Variants in LNPK observed in about 807,000 individuals in gnomAD.
LNPK encodes lunapark, ER junction formation factor.
LNPK carries 29 observed loss-of-function variants against 55.2 expected under a neutral mutation model. That is an observed-to-expected ratio of 0.53 (90% CI 0.39 to 0.72). LNPK has a LOEUF of 0.72. Among genes scored for constraint, LNPK ranks in the 30% least tolerant of loss-of-function variants. The pLI is 0.00. For synonymous variants in LNPK, 162 were observed against 168.2 expected, an observed-to-expected ratio of 0.96 and a Z score of 0.29; for missense variants, 467 against 494.8, an observed-to-expected ratio of 0.94 and a Z score of 0.53.
chr2:175,980,179 G>A (rs142119611), intron 4 of LNPK, among the ~76,000 whole-genome samples: 103 of 152,256 alleles, frequency 6.8e-4, no homozygotes, highest in East Asian at 5.4e-3. Flanking sequence ...TATGCACCCC[G>A]CAAAAGATTG....
chr2:175,931,148 A>G (rs1299345967), intron 12 of LNPK, among the ~76,000 whole-genome samples: 1 of 152,212 alleles, frequency 6.6e-6, no homozygotes, highest in Non-Finnish European at 1.5e-5. Flanking sequence ...AACAGCAATT[A>G]GTATTTTTGC....
intron 8 of LNPK, among the ~76,000 whole-genome samples, chr2:175,958,505 C>G (rs1307565938): frequency 6.6e-6 from 1 of 152,130 alleles, no homozygotes. Context: ...AACTAACAAA[C>G]AGAAAGGAAT....
chr2:175,987,881 T>C (rs1687501951), intron 4 of LNPK, among the ~76,000 whole-genome samples: 1 of 152,114 alleles, frequency 6.6e-6, no homozygotes, highest in Non-Finnish European at 1.5e-5. Flanking sequence ...ACTTGGAACT[T>C]CAATATAATA....
Position 175,964,595 on chromosome 2 carries a change from A to C in LNPK, c.358-6T>G, listed in dbSNP as rs1686233439. On this transcript the variant is annotated splice_polypyrimidine_tract_variant and splice_region_variant and intron_variant, in intron 6 of 12. Coordinates refer to ENST00000272748, the MANE Select transcript of LNPK (RefSeq NM_030650.3). ...TTTTCCATGACTTCTTCAAGCTACG[A>C]ACAAAAATTTCCATAAATTGTCACA... 2 of 1,553,794 alleles carry C rather than the reference A, an allele frequency of 1.3e-6. No individual in the cohort carries two copies. Among genetic ancestry groups the C allele is most frequent in the East Asian group, 4.5e-5 (2 of 44,506 alleles).
chr2:175,974,878 T>G (rs541295964), intron 5 of LNPK, among the ~76,000 whole-genome samples: 1 of 151,964 alleles, frequency 6.6e-6, no homozygotes, highest in Non-Finnish European at 1.5e-5. Context: ...CTCTGAAATA[T>G]ATTTTAAAGC....
intron 5 of LNPK, among the ~76,000 whole-genome samples, chr2:175,979,496 T>TG (rs1366935133): frequency 1.3e-5 from 2 of 151,842 alleles, no homozygotes; most frequent in Non-Finnish European, 2.9e-5. Context: ...AGGCGGAGGT[T>TG]GCAGTGAGCC....
chr2:175,962,037 C>G (rs1225142220), intron 8 of LNPK, among the ~76,000 whole-genome samples: 2 of 152,166 alleles, frequency 1.3e-5, no homozygotes, highest in Non-Finnish European at 2.9e-5. Context: ...CAAACCACTA[C>G]TCAACGAAAT....
Position 175,992,257 on chromosome 2 carries a change from T to A in LNPK, c.231A>T (p.Thr77=), listed in dbSNP as rs1442741569. Reference sequence around the variant, plus strand: ...TCAATGGAAAAGCAAAAAATGGGAGTGTCATGGCAAGTCTTGCTGTAAATT... The same window carrying A: ...TCAATGGAAAAGCAAAAAATGGGAGAGTCATGGCAAGTCTTGCTGTAAATT... ...PDEFTARLAM[T]LPFFAFPLII... is the part of the protein sequence containing the mutation. The change falls in exon 4 of 13, where the codon ACA becomes ACT. Residue 77 remains threonine (T), a synonymous_variant. Coordinates refer to ENST00000272748, the MANE Select transcript of LNPK (RefSeq NM_030650.3). The A allele has an allele frequency of 6.4e-7, 1 of 1,553,072 alleles. No homozygotes were observed. Among genetic ancestry groups the A allele is most frequent in the African/African-American group, 1.4e-5 (1 of 70,218 alleles).
intron 12 of LNPK, 149 bp from the exon 13 acceptor site, chr2:175,930,348 C>T: frequency 4.6e-6 from 3 of 655,400 alleles, no homozygotes; most frequent in Non-Finnish European, 7.7e-6. Context: ...TAACATTATC[C>T]TTAAAATCTT....
intron 4 of LNPK, among the ~76,000 whole-genome samples, chr2:175,987,542 A>G (rs1687485023): frequency 6.6e-6 from 1 of 152,134 alleles, no homozygotes. Context: ...GGGAGCAGGG[A>G]GGGATAGCAT....
chr2:175,945,600 T>G (rs1685087077), intron 9 of LNPK, among the ~76,000 whole-genome samples: 1 of 151,922 alleles, frequency 6.6e-6, no homozygotes, highest in African/African-American at 2.4e-5. Context: ...AAAAATAAAC[T>G]TGAATCCAGA....
chr2:175,936,583 A>G (rs889126807), intron 12 of LNPK, among the ~76,000 whole-genome samples: 1 of 152,164 alleles, frequency 6.6e-6, no homozygotes, highest in Non-Finnish European at 1.5e-5. Context: ...GGCAATCTTC[A>G]TAATTCAGAG....
chr2:176,000,284 T>A (rs187045814), intron 1 of LNPK, among the ~76,000 whole-genome samples: 1 of 152,352 alleles, frequency 6.6e-6, no homozygotes, highest in African/African-American at 2.4e-5. Flanking sequence ...TTGAGCAGAT[T>A]ACTTAAACTC....
At chr2:175,975,366 T>C (rs1686862835) in intron 5 of LNPK, among the ~76,000 whole-genome samples, 2 of 152,214 alleles carry the variant, frequency 1.3e-5, no homozygotes, top group Non-Finnish European at 2.9e-5. Context: ...CTCACATTTG[T>C]ATAACACTTC....
chr2:175,988,262 G>T (rs1687520235), intron 4 of LNPK, among the ~76,000 whole-genome samples: 1 of 152,048 alleles, frequency 6.6e-6, no homozygotes, highest in Admixed American at 6.5e-5. Flanking sequence ...AACACTTTGT[G>T]AGGCTGAGAT....
intron 4 of LNPK, among the ~76,000 whole-genome samples, chr2:175,986,232 T>C (rs1343285933): frequency 6.6e-6 from 1 of 152,084 alleles, no homozygotes; most frequent in Non-Finnish European, 1.5e-5. Context: ...CTTCAAATGT[T>C]CATGAAACAC....
In LNPK at chr2:175,937,501, G is replaced by C. The variant is rs147174572; in HGVS notation, c.897C>G (p.Ala299=). ...EEFEYIAFRC[A]YCFFLNPARK... is the part of the protein sequence containing the mutation. The stretch of plus-strand genomic sequence containing the variant: ...TTGCAGGGTTCAAGAAAAAACAGTA[G>C]GCACATCGAAAAGCTGCAGAGAATT... Residue 299 remains alanine, a synonymous_variant, in exon 12 of 13, where the codon GCC becomes GCG. Transcript: ENST00000272748. 1 of 1,609,054 alleles carries C rather than the reference G, an allele frequency of 6.2e-7. No homozygotes were observed. The highest frequency in any genetic ancestry group is 8.5e-7 in the Non-Finnish European group (1 of 1,178,208).
chr2:175,979,725 T>C (rs1004253572), intron 5 of LNPK, 85 bp downstream of exon 5: 1 of 1,143,816 alleles, frequency 8.7e-7, no homozygotes. Flanking sequence ...ATCATTCCAA[T>C]ATCATATTTT....
chr2:175,978,727 A>G (rs544714218), intron 5 of LNPK, among the ~76,000 whole-genome samples: 2 of 152,342 alleles, frequency 1.3e-5, no homozygotes, highest in African/African-American at 4.8e-5. Flanking sequence ...TTCCTCTAAT[A>G]AGTTTAGCTG....
Sources: gnomAD v4.1 joint callset for allele counts (sites outside exome capture counted in the v4.1 genomes callset) on GRCh38, gnomAD v4.1.1 for gene constraint, MANE v1.5 for transcripts, NCBI Gene and HGNC (gene_info 2026-07-23, HGNC 2026-07-21) for gene names.